Variants in MYOF observed in about 807,000 individuals in gnomAD.
The protein encoded by MYOF is fer-1-like 3, myoferlin.
In MYOF, 244 loss-of-function variants were observed where a neutral mutation model predicts 284.2. The ratio of observed to expected loss-of-function variants is 0.86; its 90% CI spans 0.77 to 0.95. MYOF has a LOEUF of 0.95. Among genes scored for constraint, MYOF ranks in the 40% least tolerant of loss-of-function variants. The pLI is 0.00. For missense variants in MYOF, 2,496 were observed against 2,560.6 expected (o/e 0.97, Z 0.54); for synonymous variants, 904 against 919.7 (o/e 0.98, Z 0.31).
intron 29 of MYOF, 147 bp downstream of exon 29, chr10:93,359,686 T>A: frequency 1.0e-6 from 1 of 953,096 alleles, no homozygotes; most frequent in Non-Finnish European, 1.6e-6. Flanking sequence ...TATTGCTGGC[T>A]GGGGTGGGCT....
chr10:93,357,438 G>T (rs80010136), intron 29 of MYOF, among the ~76,000 whole-genome samples: 1 of 152,082 alleles, frequency 6.6e-6, no homozygotes, highest in Non-Finnish European at 1.5e-5. Flanking sequence ...CTCTTCATTC[G>T]ACAAATATGA....
chr10:93,315,320 G>A (rs965319694), intron 50 of MYOF, among the ~76,000 whole-genome samples: 4 of 152,174 alleles, frequency 2.6e-5, no homozygotes, highest in African/African-American at 9.7e-5. Context: ...CAGAAAGTGA[G>A]TTTCAACTGG....
intron 38 of MYOF, 112 bp from the exon 39 acceptor site, chr10:93,340,276 C>A (rs1049959722): frequency 4.8e-6 from 5 of 1,039,376 alleles, no homozygotes; most frequent in Middle Eastern, 2.1e-4. Flanking sequence ...AATTATTATT[C>A]ATGCATGCCT....
At chr10:93,442,211 A>G (rs2134263561) in intron 3 of MYOF, among the ~76,000 whole-genome samples, 1 of 152,332 alleles carries the variant, frequency 6.6e-6, no homozygotes, top group African/African-American at 2.4e-5. Context: ...TGACGGACTC[A>G]TAGTTGATAT....
At chr10:93,363,883 C>G in intron 27 of MYOF, 78 bp downstream of exon 27, 1 of 1,312,388 alleles carries the variant, frequency 7.6e-7, no homozygotes, top group Non-Finnish European at 1.1e-6. Context: ...AAAGCCCAAG[C>G]CAGGTGGCTG....
In MYOF at chr10:93,377,412, A is replaced by G. The variant is rs1300016092; in HGVS notation, c.2019T>C (p.Ala673=). 6.2e-7 allele frequency: 1 copy of G among 1,613,564 alleles called. No individual in the cohort carries two copies. The highest frequency in any genetic ancestry group is 1.7e-5 in the Admixed American group (1 of 59,984). ...MAERLQTNIE[A]LKSGIQGKIP... ...TTTTACCTTGTATCCCTGATTTTAG[A>G]GCTTCTATATTTGTTTGCTGAAGAA... Residue 673 remains alanine (A), a synonymous_variant, in exon 22 of 54, where the codon GCT becomes GCC. Coordinates refer to ENST00000359263, the MANE Select transcript of MYOF (RefSeq NM_013451.4).
At chr10:93,433,571 T>C (rs1407364931) in intron 3 of MYOF, among the ~76,000 whole-genome samples, 1 of 152,228 alleles carries the variant, frequency 6.6e-6, no homozygotes, top group Non-Finnish European at 1.5e-5. Flanking sequence ...AGCTAAACAT[T>C]GAGTCCTTAA....
chr10:93,319,130 T>C (rs1842746102), intron 49 of MYOF, among the ~76,000 whole-genome samples: 1 of 152,162 alleles, frequency 6.6e-6, no homozygotes, highest in South Asian at 2.1e-4. Context: ...AGCAGAGACA[T>C]TGAGGCCCAA....
In MYOF at chr10:93,392,355, AG is replaced by A. The variant is rs370844430; in HGVS notation, c.1456+561del. ...CTAAACCTCAGAGTCTTCATCTATT[AG>A]GGGAACAAAAACATCTGCCCTAGGA... On this transcript the variant is annotated intron_variant, in intron 17 of 53. Transcript: ENST00000359263. Among the ~76,000 whole-genome samples the A allele has an allele frequency of 1.5e-3, 230 of 152,282 alleles. 2 individuals carry two copies. Among genetic ancestry groups the A allele is most frequent in the African/African-American group, 5.3e-3 (222 of 41,548 alleles).
chr10:93,413,901 G>A (rs1220963760), intron 5 of MYOF, among the ~76,000 whole-genome samples: 1 of 152,138 alleles, frequency 6.6e-6, no homozygotes, highest in Admixed American at 6.5e-5. Flanking sequence ...GCTAAGATGG[G>A]AGGACCATCT....
In MYOF at chr10:93,351,669, T is replaced by C. The variant is rs1844521354; in HGVS notation, c.3659A>G (p.Gln1220Arg). The part of the protein sequence containing the change: ...KVIMELFDND[Q>R]VGKDEFLGRS... ...TAGAAATTCTAAACGACCTACCACT[T>C]GGTCATTGTCAAAAAGTTCCATGAT... is the stretch of plus-strand genomic sequence containing the variant. Residue 1220 changes from glutamine (Q) to arginine (R), a missense_variant, in exon 33 of 54, where the codon CAA (glutamine) becomes CGA (arginine). Physicochemically the swap from Gln to Arg is conservative, Grantham distance 43. Around this residue, in one of 3 missense-constraint regions of MYOF, gnomAD observed 2,436 missense variants for 2,480.7 expected, o/e 0.98. Transcript: ENST00000359263. 1.3e-6 allele frequency: 2 copies of C among 1,587,190 alleles called. No individual in the cohort carries two copies. The highest frequency in any genetic ancestry group is 2.7e-5 in the African/African-American group (2 of 73,586).
Position 93,404,074 on chromosome 10 carries a change from C to T in MYOF, c.793-1G>A. On this transcript the variant is annotated splice_acceptor_variant, in intron 8 of 53. Coordinates refer to ENST00000359263, the MANE Select transcript of MYOF (RefSeq NM_013451.4). LOFTEE classifies it high-confidence loss of function. ...CCCGCAGAGAGTGAGAATTATAAAC[C>T]TGGAAGAAAGAAGAGTAGTGAAGAA... is the stretch of plus-strand genomic sequence containing the variant. The T allele has an allele frequency of 6.2e-7, 1 of 1,614,142 alleles. No individual in the cohort carries two copies. Among genetic ancestry groups the T allele is most frequent in the Non-Finnish European group, 8.5e-7 (1 of 1,180,006 alleles).
Position 93,329,627 on chromosome 10 carries a change from G to T in MYOF, c.4982+37C>A, listed in dbSNP as rs769023998. The T allele has an allele frequency of 8.7e-6, 14 of 1,610,674 alleles. No individual in the cohort carries two copies. The South Asian group carries it at 1.5e-4, about 18-fold the overall frequency. On this transcript the variant is annotated intron_variant, in intron 44 of 53. Transcript: ENST00000359263. Reference sequence around the variant, plus strand: ...GCCTCCCCAGGTGCCAATGTCAGAGGCAGCAAAGTGCCTCTTGTACAGTCA... The same window carrying T: ...GCCTCCCCAGGTGCCAATGTCAGAGTCAGCAAAGTGCCTCTTGTACAGTCA...
intron 3 of MYOF, among the ~76,000 whole-genome samples, chr10:93,442,890 G>A (rs749728136): frequency 2.0e-5 from 3 of 152,216 alleles, no homozygotes; most frequent in Non-Finnish European, 4.4e-5. Flanking sequence ...GGGGCACGGT[G>A]GCTTATGCCT....
At chr10:93,464,813 C>T (rs1056917095) in intron 1 of MYOF, among the ~76,000 whole-genome samples, 1 of 152,250 alleles carries the variant, frequency 6.6e-6, no homozygotes, top group Non-Finnish European at 1.5e-5. Flanking sequence ...CTCAGCTCTT[C>T]GGTAGACAAA....
chr10:93,399,093 T>TA (rs1171817307), intron 13 of MYOF, among the ~76,000 whole-genome samples: 1 of 152,192 alleles, frequency 6.6e-6, no homozygotes, highest in East Asian at 1.9e-4. Flanking sequence ...AGAGCTTGCC[T>TA]AAGGTTAAGA....
Position 93,393,035 on chromosome 10 carries a change from C to T in MYOF, c.1418-80G>A, listed in dbSNP as rs1040481565. On this transcript the variant is annotated intron_variant, in intron 16 of 53. Coordinates refer to ENST00000359263, the MANE Select transcript of MYOF (RefSeq NM_013451.4). Reference sequence around the variant, plus strand: ...AGACATTGAAAACGTTAATCAAATCCAGTGCCAGGTATGTGATTTAGCAAC... The same window carrying T: ...AGACATTGAAAACGTTAATCAAATCTAGTGCCAGGTATGTGATTTAGCAAC... 11 of 1,277,282 alleles carry T rather than the reference C, an allele frequency of 8.6e-6. No homozygotes were observed. In the African/African-American group the frequency reaches 1.3e-4, roughly 15 times the overall value. The allele number at this position is 1,277,282 out of a possible 1,614,324, so 79.1% of individuals were successfully genotyped here.
In MYOF at chr10:93,359,828, C is replaced by T. The variant is rs1022567388; in HGVS notation, c.3120+5G>A. ...AGTCCAGCTCCCTTCCCTTGCTTCT[C>T]TTACCCTTGCGGTGCTTGAAGCAGT... On this transcript the variant is annotated splice_donor_5th_base_variant and intron_variant, in intron 29 of 53. Transcript: ENST00000359263. 1.2e-6 allele frequency: 2 copies of T among 1,614,152 alleles called. No individual in the cohort carries two copies. Among genetic ancestry groups the T allele is most frequent in the Non-Finnish European group, 1.7e-6 (2 of 1,180,014 alleles).
intron 1 of MYOF, among the ~76,000 whole-genome samples, chr10:93,477,919 G>A (rs921339186): frequency 3.2e-4 from 48 of 152,132 alleles, no homozygotes; most frequent in African/African-American, 1.1e-3. Flanking sequence ...ACCCACTGCA[G>A]TACTGTTGCT....
Sources: gnomAD v4.1 joint callset for allele counts (sites outside exome capture counted in the v4.1 genomes callset) on GRCh38, gnomAD v4.1.1 for gene constraint, gnomAD v4.1.1 regional missense constraint, MANE v1.5 for transcripts, NCBI Gene and HGNC (gene_info 2026-07-23, HGNC 2026-07-21) for gene names.